The following ZNF143 variants were observed in gnomAD, a reference collection of about 807,000 sequenced individuals.
ZNF143 encodes the protein SPH-binding factor.
In ZNF143, 49 loss-of-function variants were observed where a neutral mutation model predicts 74.1. The ratio of observed to expected loss-of-function variants is 0.66; its 90% confidence interval spans 0.53 to 0.84. ZNF143 has a LOEUF of 0.84. Among genes scored for constraint, ZNF143 ranks in the 40% least tolerant of loss-of-function variants. The pLI is 0.00. For missense variants in ZNF143, 637 were observed against 793.4 expected (o/e 0.80, Z 2.37); for synonymous variants, 304 against 282.8 (o/e 1.07, Z -0.75).
At chr11:9,464,633 T>G (rs1464359244) in intron 1 of ZNF143, among the ~76,000 whole-genome samples, 1 of 151,324 alleles carries the variant, frequency 6.6e-6, no homozygotes, top group Admixed American at 6.6e-5. Flanking sequence ...TGGTGTGTGT[T>G]AATTACATAA....
chr11:9,490,153 T>C (rs970454794), intron 7 of ZNF143, among the ~76,000 whole-genome samples: 1 of 151,952 alleles, frequency 6.6e-6, no homozygotes, highest in Non-Finnish European at 1.5e-5. Context: ...GACTGTACTA[T>C]AGCCTGAGTG....
At chr11:9,511,272 C>T (rs943515550) in intron 12 of ZNF143, among the ~76,000 whole-genome samples, 44 of 150,992 alleles carry the variant, frequency 2.9e-4, no homozygotes, top group Admixed American at 9.9e-4. Flanking sequence ...CCACCAGGCC[C>T]GCCTAATTTT....
At chr11:9,486,421 TATATATATTATATATATA>T (rs1847530626) in intron 7 of ZNF143, among the ~76,000 whole-genome samples, 2 of 18,540 alleles carry the variant, frequency 1.1e-4, no homozygotes, top group South Asian at 9.6e-4. Flanking sequence ...TAATATATAT[TATATATATTATATATATA>T]ATATATTATA....
intron 2 of ZNF143, among the ~76,000 whole-genome samples, chr11:9,472,332 A>C (rs1046038586): frequency 2.7e-4 from 41 of 151,998 alleles, no homozygotes; most frequent in Non-Finnish European, 2.9e-5. Flanking sequence ...GGCTCACTGC[A>C]ACCTCTGCCT....
At chr11:9,500,371 A>C (rs534829152) in intron 10 of ZNF143, among the ~76,000 whole-genome samples, 17 of 151,604 alleles carry the variant, frequency 1.1e-4, no homozygotes, top group Non-Finnish European at 1.8e-4. Context: ...GTATGTATTG[A>C]ACACCTACTA....
intron 7 of ZNF143, among the ~76,000 whole-genome samples, chr11:9,484,987 C>CA (rs1329419927): frequency 1.3e-5 from 2 of 149,018 alleles, no homozygotes; most frequent in Non-Finnish European, 3.0e-5. Context: ...TTAGTAGAGA[C>CA]AGGGTTTCAC....
At chr11:9,465,666 ATT>A (rs147781124) in intron 1 of ZNF143, among the ~76,000 whole-genome samples, 17 of 129,342 alleles carry the variant, frequency 1.3e-4, no homozygotes, top group Non-Finnish European at 1.7e-4. Context: ...CGCCTGGCTA[ATT>A]TTTTTTTTTT....
chr11:9,465,648 C>T (rs942135784), intron 1 of ZNF143, among the ~76,000 whole-genome samples: 7 of 149,496 alleles, frequency 4.7e-5, no homozygotes, highest in Non-Finnish European at 8.9e-5. Flanking sequence ...TATAGGCGCC[C>T]GCCACCACGC....
intron 3 of ZNF143, among the ~76,000 whole-genome samples, chr11:9,473,492 TG>T (rs1413955771): frequency 3.9e-5 from 6 of 152,204 alleles, no homozygotes; most frequent in Admixed American, 2.0e-4. Context: ...AAAAACTCTT[TG>T]TTTCTATGGA....
At position 9,510,346 on chromosome 11, in the gene ZNF143, G is replaced by A. The variant is rs1037568452; in HGVS notation, c.1375+1500G>A. Among the ~76,000 whole-genome samples the A allele has an allele frequency of 2.6e-5, 4 of 152,040 alleles. No homozygotes were observed. The South Asian group carries it at 6.2e-4, about 24-fold the overall frequency. ...TCACCGTGTTAGCCAGGATGGTCTC[G>A]ATCTCCTGACCTCGTGATCCGCCCA... is the stretch of plus-strand genomic sequence containing the variant. On this transcript the variant is annotated intron_variant, in intron 12 of 15. Transcript: ENST00000396602.
At chr11:9,465,638 T>TTTTG (rs1856158749) in intron 1 of ZNF143, among the ~76,000 whole-genome samples, 1 of 150,632 alleles carries the variant, frequency 6.6e-6, no homozygotes, top group Non-Finnish European at 1.5e-5. Flanking sequence ...TAGCTGGGAC[T>TTTTG]ATAGGCGCCC....
chr11:9,492,339 C>T (rs1001293544), intron 7 of ZNF143, among the ~76,000 whole-genome samples: 1 of 151,902 alleles, frequency 6.6e-6, no homozygotes, highest in African/African-American at 2.4e-5. Context: ...CTCGAACTTC[C>T]GTCCTCAGGT....
chr11:9,522,442 T>C (rs933783685), intron 14 of ZNF143, among the ~76,000 whole-genome samples: 1 of 152,206 alleles, frequency 6.6e-6, no homozygotes, highest in South Asian at 2.1e-4. Flanking sequence ...TCTAGTTACA[T>C]GTATATTAAC....
intron 15 of ZNF143, 74 bp downstream of exon 15, chr11:9,525,460 C>G (rs765948286): frequency 1.3e-6 from 2 of 1,575,784 alleles, no homozygotes; most frequent in Admixed American, 1.7e-5. Flanking sequence ...CACTGTGCTT[C>G]GTGTATAACC....
chr11:9,492,660 CT>C (rs1228246571), intron 7 of ZNF143, among the ~76,000 whole-genome samples: 1 of 152,088 alleles, frequency 6.6e-6, no homozygotes, highest in African/African-American at 2.4e-5. Flanking sequence ...AAAAATACCC[CT>C]GAAAAGAAAA....
At chr11:9,503,960 T>C (rs1848260665) in intron 11 of ZNF143, among the ~76,000 whole-genome samples, 1 of 130,552 alleles carries the variant, frequency 7.7e-6, no homozygotes, top group East Asian at 2.1e-4. Context: ...CCTTTTTTTT[T>C]TTTTTTTTTT....
chr11:9,470,468 G>C (rs1856502788), intron 1 of ZNF143, among the ~76,000 whole-genome samples: 1 of 152,102 alleles, frequency 6.6e-6, no homozygotes, highest in Non-Finnish European at 1.5e-5. Flanking sequence ...GGACAGGGAA[G>C]CTCTCATTCC....
Position 9,472,755 on chromosome 11 carries a change from AAC to A in ZNF143, c.195_196del (p.His65GlnfsTer3). On this transcript the variant is annotated frameshift_variant, in exon 3 of 16. Transcript: ENST00000396602. LOFTEE classifies it high-confidence loss of function. ...GCAGATGGTTCTACTGCTTACATAC[AAC>A]ACAATTCTAAAGGTATGTGCCTCAC... 6.3e-7 allele frequency: 1 copy of A among 1,585,248 alleles called. No homozygotes were observed. The highest frequency in any genetic ancestry group is 8.6e-7 in the Non-Finnish European group (1 of 1,169,504).
chr11:9,461,324 G>C (rs11042366), intron 1 of ZNF143, among the ~76,000 whole-genome samples: 21 of 152,078 alleles, frequency 1.4e-4, no homozygotes, highest in African/African-American at 4.8e-4. Flanking sequence ...ACTCCCCCCA[G>C]CTTGTCTCTG....
Sources: allele counts gnomAD v4.1 joint callset (sites outside exome capture counted in the v4.1 genomes callset), GRCh38; gene constraint gnomAD v4.1.1; transcripts MANE v1.5; gene names NCBI Gene and HGNC (gene_info 2026-07-23, HGNC 2026-07-21).